The following SYN2 variants were observed in gnomAD, a reference collection of about 807,000 sequenced individuals.
SYN2 encodes the protein synapsin-2.
SYN2 carries 19 observed loss-of-function variants against 50.9 expected under a neutral mutation model. That is an observed-to-expected ratio of 0.37 (90% CI 0.26 to 0.55). The LOEUF is 0.55. Among genes scored for constraint, SYN2 ranks in the 20% least tolerant of loss-of-function variants. The pLI is 0.81. For synonymous variants in SYN2, 255 were observed against 224.9 expected (o/e 1.13, Z -1.20); for missense variants, 587 against 576.4 (o/e 1.02, Z -0.19).
intron 1 of SYN2, among the ~76,000 whole-genome samples, chr3:12,057,877 A>G (rs981549105): frequency 5.9e-5 from 9 of 152,228 alleles, no homozygotes. Flanking sequence ...ACATATAAAC[A>G]TACTCGAAAC....
chr3:12,052,067 T>A (rs1694875690), intron 1 of SYN2, among the ~76,000 whole-genome samples: 1 of 152,230 alleles, frequency 6.6e-6, no homozygotes, highest in South Asian at 2.1e-4. Context: ...TTTTGACACA[T>A]CTTTCTTTAG....
At chr3:12,124,508 A>G (rs897276418) in intron 1 of SYN2, among the ~76,000 whole-genome samples, 2 of 152,252 alleles carry the variant, frequency 1.3e-5, no homozygotes, top group African/African-American at 4.8e-5. Flanking sequence ...CCCCTGTACA[A>G]GAAAGATGAA....
In SYN2 at chr3:12,121,907, C is replaced by T. The variant is rs528058648; in HGVS notation, c.378-18744C>T. ...AGACTTGAGTCTGAAATTGGTAAGA[C>T]GGGGCAGCAGGCTGGGTTTCTGTAT... On this transcript the variant is annotated intron_variant, in intron 1 of 12. Transcript: ENST00000621198. Among the ~76,000 whole-genome samples the T allele has an allele frequency of 2.1e-3, 315 of 152,194 alleles. 1 individual carries two copies. Among genetic ancestry groups the T allele is most frequent in the African/African-American group, 7.1e-3 (294 of 41,508 alleles).
chr3:12,092,455 G>A (rs752067787), intron 1 of SYN2, among the ~76,000 whole-genome samples: 3 of 152,158 alleles, frequency 2.0e-5, no homozygotes, highest in Non-Finnish European at 4.4e-5. Context: ...GGTATGGGGA[G>A]CATAGAGGAA....
At chr3:12,067,630 A>G (rs1163197518) in intron 1 of SYN2, among the ~76,000 whole-genome samples, 1 of 149,144 alleles carries the variant, frequency 6.7e-6, no homozygotes, top group Non-Finnish European at 1.5e-5. Flanking sequence ...AAAAAAAAAA[A>G]GGAAAGAAAG....
chr3:12,134,985 G>T (rs1696864322), intron 1 of SYN2, among the ~76,000 whole-genome samples: 2 of 152,330 alleles, frequency 1.3e-5, no homozygotes, highest in East Asian at 3.9e-4. Flanking sequence ...GCTGAATTTA[G>T]TGACAAACCA....
chr3:12,144,199 A>G (rs1697092451), intron 3 of SYN2, among the ~76,000 whole-genome samples: 1 of 152,252 alleles, frequency 6.6e-6, no homozygotes, highest in Admixed American at 6.5e-5. Context: ...TTTGCTGGCT[A>G]GAGGGGAAAC....
chr3:12,155,838 G>A (rs183715289), intron 5 of SYN2, among the ~76,000 whole-genome samples: 3 of 152,320 alleles, frequency 2.0e-5, no homozygotes, highest in Admixed American at 6.5e-5. Flanking sequence ...GGAAGGAGGT[G>A]CGATAATAGA....
rs748815864 is a variant in SYN2 at position 12,190,606 on chromosome 3, C to A, written c.1730C>A (p.Ala577Asp). The change falls in exon 13 of 13, where the codon GCC becomes GAC. Residue 577 changes from alanine to aspartate, a missense_variant. Transcript: ENST00000621198. ...ETIRSLRKSF[A>D]SLFSD ...ATCCGGAGCTTGAGGAAGTCCTTTG[C>A]CAGCCTCTTTTCAGATTAGCTCTTC... 4 of 1,612,888 alleles carry A rather than the reference C, an allele frequency of 2.5e-6. No homozygotes were observed. In the African/African-American group the frequency reaches 5.3e-5, roughly 22 times the overall value.
chr3:12,058,465 C>T (rs186099939), intron 1 of SYN2, among the ~76,000 whole-genome samples: 14 of 152,272 alleles, frequency 9.2e-5, no homozygotes, highest in Admixed American at 8.5e-4. Context: ...TACTTCTTTT[C>T]CTGACAAATG....
chr3:12,038,685 G>A (rs1434236871), intron 1 of SYN2, among the ~76,000 whole-genome samples: 2 of 151,860 alleles, frequency 1.3e-5, no homozygotes, highest in Admixed American at 6.6e-5. Flanking sequence ...AATTGAATTG[G>A]TCCCTTTATT....
chr3:12,121,854 T>C (rs1696567118), intron 1 of SYN2, among the ~76,000 whole-genome samples: 1 of 152,180 alleles, frequency 6.6e-6, no homozygotes, highest in Non-Finnish European at 1.5e-5. Flanking sequence ...GGCTACAGGC[T>C]GGAAACTTGG....
At chr3:12,135,527 T>C (rs1696878755) in intron 1 of SYN2, among the ~76,000 whole-genome samples, 2 of 152,214 alleles carry the variant, frequency 1.3e-5, no homozygotes, top group South Asian at 4.1e-4. Flanking sequence ...TGAATCCATC[T>C]TCAGTGCTGT....
intron 6 of SYN2, 55 bp from the exon 7 acceptor site, chr3:12,161,957 A>G: frequency 1.9e-6 from 3 of 1,598,778 alleles, no homozygotes; most frequent in Non-Finnish European, 2.6e-6. Flanking sequence ...GTGACTTCTC[A>G]GTGTGTGTAT....
In SYN2 at chr3:12,179,466, AG is replaced by A. The variant is rs1387662834; in HGVS notation, c.1309-3845del. ...GAAGTCATGTGCCTGCAGCTACATG[AG>A]CCCCCCTAACCAAAGTTTGTCCAAG... On this transcript the variant is annotated intron_variant, in intron 10 of 12. Coordinates refer to ENST00000621198, the MANE Select transcript of SYN2 (RefSeq NM_133625.6). Among the ~76,000 whole-genome samples, 5 of 151,130 alleles carry A rather than the reference AG, an allele frequency of 3.3e-5. No homozygotes were observed. In the East Asian group the frequency reaches 9.7e-4, roughly 29 times the overall value.
At chr3:12,172,951 C>T (rs1697971081) in intron 10 of SYN2, among the ~76,000 whole-genome samples, 1 of 152,214 alleles carries the variant, frequency 6.6e-6, no homozygotes, top group Non-Finnish European at 1.5e-5. Flanking sequence ...CCTTATTGAT[C>T]TGCATTTCCA....
chr3:12,097,431 C>T (rs1695959335), intron 1 of SYN2, among the ~76,000 whole-genome samples: 1 of 151,708 alleles, frequency 6.6e-6, no homozygotes, highest in Non-Finnish European at 1.5e-5. Context: ...ACGGTGAAAC[C>T]CCTTCTCTAC....
chr3:12,172,409 T>A (rs897140609), intron 10 of SYN2, among the ~76,000 whole-genome samples: 2 of 152,192 alleles, frequency 1.3e-5, no homozygotes, highest in Non-Finnish European at 2.9e-5. Context: ...CTGGAAGAAC[T>A]CACAGAACTC....
intron 1 of SYN2, among the ~76,000 whole-genome samples, chr3:12,086,091 C>T (rs2125178035): frequency 6.6e-6 from 1 of 152,132 alleles, no homozygotes; most frequent in African/African-American, 2.4e-5. Context: ...TACAAAGTAG[C>T]ACAAGAGACT....
Sources: gnomAD v4.1 joint callset for allele counts (sites outside exome capture counted in the v4.1 genomes callset) on GRCh38, gnomAD v4.1.1 for gene constraint, MANE v1.5 for transcripts, NCBI Gene and HGNC (gene_info 2026-07-23, HGNC 2026-07-21) for gene names.